Variants in SPRY3 observed in about 807,000 individuals in gnomAD.
The protein encoded by SPRY3 is sprouty RTK signaling antagonist 3, also known as protein sprouty homolog 3.
A neutral mutation model predicts 20.2 loss-of-function variants in SPRY3; 15 were observed. The ratio of observed to expected loss-of-function variants is 0.74; its 90% CI spans 0.50 to 1.14. SPRY3 has a LOEUF of 1.14. SPRY3 is among the 50% of genes most tolerant of loss of function. The pLI is 0.00. For missense variants in SPRY3, 364 were observed against 363.9 expected, an observed-to-expected ratio of 1.00 and a Z score of 0.00; for synonymous variants, 143 against 136.5, an observed-to-expected ratio of 1.05 and a Z score of -0.33.
chrX:155,674,180 T>A (rs1230968380), intron 2 of SPRY3, among the ~76,000 whole-genome samples: 1 of 111,028 alleles, frequency 9.0e-6, no homozygotes, highest in African/African-American at 3.3e-5. Context: ...CTAAGACTGC[T>A]TGCAGCCAAA....
At chrX:155,737,702 T>C (rs1328983530) in intron 2 of SPRY3, among the ~76,000 whole-genome samples, 2 of 152,134 alleles carry the variant, frequency 1.3e-5, no homozygotes, top group African/African-American at 4.8e-5. Context: ...GACTGGGGGA[T>C]AGAGAACAGG....
intron 1 of SPRY3, among the ~76,000 whole-genome samples, chrX:155,625,876 A>C (rs781995672): frequency 4.5e-5 from 5 of 111,427 alleles, no homozygotes; most frequent in Non-Finnish European, 7.6e-5. Context: ...TTTAAGGTCA[A>C]TTCATGTTTC....
At position 155,733,425 on chromosome X, in the gene SPRY3, A is replaced by G. The variant is rs190117649; in HGVS notation, c.-281-34537A>G. Among the ~76,000 whole-genome samples the G allele has an allele frequency of 1.4e-4, 21 of 151,544 alleles. No individual in the cohort carries two copies. The East Asian group carries it at 3.9e-3, about 28-fold the overall frequency. ...ATATATATGCTGAAGATATATATAT[A>G]TACACATACCCACCTACTATGTACC... On this transcript the variant is annotated intron_variant, in intron 2 of 3. Coordinates refer to ENST00000675360, the Ensembl canonical transcript of SPRY3.
chrX:155,741,295 A>G (rs1424778670), intron 2 of SPRY3, among the ~76,000 whole-genome samples: 3 of 152,172 alleles, frequency 2.0e-5, no homozygotes, highest in Non-Finnish European at 2.9e-5. Flanking sequence ...GGTGGACAAG[A>G]AAAGAGAAAA....
Position 155,756,199 on chromosome X carries a change from A to G in SPRY3, c.-281-11763A>G, listed in dbSNP as rs1465009357. ...ATAGAGGAGAGTGGAAAATGGTCAT[A>G]TCAGCTACCTCAGAGTTTCTGACAT... is the stretch of plus-strand genomic sequence containing the variant. On this transcript the variant is annotated intron_variant, in intron 2 of 3. Coordinates refer to ENST00000675360, the Ensembl canonical transcript of SPRY3. Among the ~76,000 whole-genome samples, 6 of 152,104 alleles carry G rather than the reference A, an allele frequency of 3.9e-5. No homozygotes were observed. The East Asian group carries it at 1.2e-3, about 29-fold the overall frequency.
chrX:155,748,642 TG>T (rs1410809715), intron 2 of SPRY3, among the ~76,000 whole-genome samples: 1 of 151,830 alleles, frequency 6.6e-6, no homozygotes, highest in African/African-American at 2.4e-5. Flanking sequence ...ATTCTGACAC[TG>T]AAGGCTATCA....
At chrX:155,674,960 G>T (rs2068054861) in intron 2 of SPRY3, among the ~76,000 whole-genome samples, 1 of 111,593 alleles carries the variant, frequency 9.0e-6, no homozygotes, top group Non-Finnish European at 1.9e-5. Flanking sequence ...AATACCTGTA[G>T]TTCCTGCCCT....
chrX:155,622,872 G>T (rs1557349584), intron 1 of SPRY3, among the ~76,000 whole-genome samples: 1 of 111,750 alleles, frequency 8.9e-6, no homozygotes, highest in East Asian at 2.8e-4. Flanking sequence ...TTCATTAAGG[G>T]GTCTCAATTA....
intron 2 of SPRY3, among the ~76,000 whole-genome samples, chrX:155,702,927 G>A (rs1284302244): frequency 0.19 from 17,184 of 89,964 alleles, 6 homozygotes; most frequent in South Asian, 0.32. Flanking sequence ...TTATTGATTT[G>A]CGTATATTGA....
intron 2 of SPRY3, among the ~76,000 whole-genome samples, chrX:155,673,130 G>A (rs1557354976): frequency 1.0e-5 from 1 of 97,855 alleles, no homozygotes; most frequent in Middle Eastern, 5.0e-3. Context: ...CAAGTTAATG[G>A]GTGCAGCACA....
rs782604147 is a variant in SPRY3 at position 155,629,181 on chromosome X, G to A, written c.-441+16534G>A. 1.5e-4 allele frequency among the ~76,000 whole-genome samples: 11 copies of A among 75,783 alleles called. 2 individuals carry two copies. The highest frequency in any genetic ancestry group is 1.4e-3 in the Admixed American group (7 of 5,057). The allele number at this position is 75,783 out of a possible 115,157, so 65.8% of individuals were successfully genotyped here. A position where few individuals can be genotyped will look rare whatever the true frequency, so the allele number is the denominator to read the frequency against. The stretch of plus-strand genomic sequence containing the variant: ...CTCCCCCCACCCCATGACAGACGCC[G>A]GTGTGTGATGTTCCCCATCCTGTGT... On this transcript the variant is annotated intron_variant, in intron 1 of 3. Transcript: ENST00000675360.
At chrX:155,705,030 A>T (rs926744092) in intron 2 of SPRY3, among the ~76,000 whole-genome samples, 33 of 151,624 alleles carry the variant, frequency 2.2e-4, no homozygotes, top group Non-Finnish European at 3.4e-4. Flanking sequence ...AGGCAGAAAG[A>T]GTATCATATC....
At chrX:155,684,120 G>A (rs1436341029) in intron 2 of SPRY3, among the ~76,000 whole-genome samples, 1 of 110,926 alleles carries the variant, frequency 9.0e-6, no homozygotes, top group Admixed American at 9.6e-5. Context: ...GACTGAGAGA[G>A]AGTGAGAAGT....
intron 2 of SPRY3, among the ~76,000 whole-genome samples, chrX:155,672,526 C>T (rs1359339062): frequency 8.1e-5 from 9 of 111,321 alleles, no homozygotes; most frequent in East Asian, 5.7e-4. Context: ...TACCATCTCA[C>T]GCCAGGTAGA....
At chrX:155,685,742 C>G (rs1041523921) in intron 2 of SPRY3, among the ~76,000 whole-genome samples, 9 of 107,757 alleles carry the variant, frequency 8.4e-5, no homozygotes, top group African/African-American at 3.1e-4. Flanking sequence ...AGGACATGAT[C>G]TTGTTCTTTT....
intron 2 of SPRY3, among the ~76,000 whole-genome samples, chrX:155,715,690 G>A (rs2091017391): frequency 6.6e-6 from 1 of 151,800 alleles, no homozygotes; most frequent in Non-Finnish European, 1.5e-5. Context: ...GGACCCTATT[G>A]CACTTCAGCC....
At chrX:155,724,384 T>C (rs1323220093) in intron 2 of SPRY3, among the ~76,000 whole-genome samples, 14 of 152,172 alleles carry the variant, frequency 9.2e-5, no homozygotes, top group African/African-American at 1.4e-4. Flanking sequence ...GCAGTATGGC[T>C]ATTTTCATGA....
At chrX:155,778,796 TA>T, downstream of SPRY3, 1 of 167,106 alleles carries the variant, frequency 6.0e-6, no homozygotes. Context: ...AGAGGGAAAA[TA>T]ACCTGTCCAA....
At chrX:155,627,442 A>T (rs925517550) in intron 1 of SPRY3, among the ~76,000 whole-genome samples, 5 of 112,055 alleles carry the variant, frequency 4.5e-5, no homozygotes, top group African/African-American at 6.5e-5. Flanking sequence ...CCAAAGTGGT[A>T]CTGGAATAAT....
Sources: allele counts gnomAD v4.1 joint callset (sites outside exome capture counted in the v4.1 genomes callset), GRCh38; gene constraint gnomAD v4.1.1; transcripts MANE v1.5; gene names NCBI Gene and HGNC (gene_info 2026-07-23, HGNC 2026-07-21).